LHFPL2: variants seen among roughly 807,000 people sequenced by gnomAD.
LHFPL2 encodes the protein LHFPL tetraspan subfamily member 2.
A neutral mutation model predicts 17.5 loss-of-function variants in LHFPL2; 7 were observed. The ratio of observed to expected loss-of-function variants is 0.40; its 90% confidence interval spans 0.23 to 0.75. The LOEUF (loss-of-function observed/expected upper bound fraction) is 0.75. Ranked by LOEUF, LHFPL2 falls within the 30% of genes least tolerant of loss-of-function variation. The pLI is 0.37. For missense variants in LHFPL2, 241 were observed against 294.8 expected (o/e 0.82, Z 1.34); for synonymous variants, 134 against 116.2 (o/e 1.15, Z -0.99).
intron 2 of LHFPL2, among the ~76,000 whole-genome samples, chr5:78,630,231 C>A (rs1036598162): frequency 6.6e-6 from 1 of 152,150 alleles, no homozygotes. Flanking sequence ...CCTAGAAGCT[C>A]GGTAAACTGC....
In LHFPL2 at chr5:78,585,248, C is replaced by T. The variant is rs189981220; in HGVS notation, c.-244-20377G>A. Among the ~76,000 whole-genome samples, 405 of 119,468 alleles carry T rather than the reference C, an allele frequency of 3.4e-3. 89 individuals carry two copies. Among genetic ancestry groups the T allele is most frequent in the African/African-American group, 0.011 (376 of 34,498 alleles). The allele number at this position is 119,468 out of a possible 152,430, so 78.4% of individuals were successfully genotyped here. A position where few individuals can be genotyped will look rare whatever the true frequency, so the allele number is the denominator to read the frequency against. On this transcript the variant is annotated intron_variant, in intron 2 of 4. Coordinates refer to ENST00000380345, the MANE Select transcript of LHFPL2 (RefSeq NM_005779.3). ...GGTCTCGATATCCTGACCTCGTGAT[C>T]CGCCCGCCTCGGCCTCCCAAAGTGC...
rs1466582930 is a variant in LHFPL2 at position 78,486,683 on chromosome 5, A to G, written c.*2214T>C. 1 of 152,160 alleles carries G rather than the reference A, an allele frequency of 6.6e-6. No homozygotes were observed. The highest frequency in any genetic ancestry group is 1.5e-5 in the Non-Finnish European group (1 of 68,026). 9.4% of individuals were successfully genotyped at this position (152,160 alleles called of 1,614,324 possible). A position where few individuals can be genotyped will look rare whatever the true frequency, so the allele number is the denominator to read the frequency against. ...TTGCATTCAGATTAATAACATAAAC[A>G]CTATCGAGTGAGTTTATTATGGCCA... On this transcript the variant is annotated 3_prime_UTR_variant, in exon 5 of 5. Transcript: ENST00000380345.
Position 78,527,363 on chromosome 5 carries a change from G to GTTTT in LHFPL2, c.-185-16969_-185-16966dup, listed in dbSNP as rs35135294. On this transcript the variant is annotated intron_variant, in intron 3 of 4. Coordinates refer to ENST00000380345, the MANE Select transcript of LHFPL2 (RefSeq NM_005779.3). ...GGAAAGCTCTTAATGCTGATGAGGA[G>GTTTT]TTTTTTTTTTTTTTTTTTTTTTTCC... Among the ~76,000 whole-genome samples the GTTTT allele has an allele frequency of 6.2e-4, 67 of 108,080 alleles. 2 individuals are homozygous for GTTTT. Among genetic ancestry groups the GTTTT allele is most frequent in the South Asian group, 1.3e-3 (4 of 2,990 alleles). 70.9% of individuals were successfully genotyped at this position (108,080 alleles called of 152,430 possible).
At chr5:78,570,093 GACA>G (rs985169247) in intron 2 of LHFPL2, among the ~76,000 whole-genome samples, 10 of 152,042 alleles carry the variant, frequency 6.6e-5, no homozygotes, top group African/African-American at 2.4e-4. Context: ...AAATCTATGG[GACA>G]ACAAGGTCCT....
chr5:78,535,491 C>T (rs918500579), intron 3 of LHFPL2, among the ~76,000 whole-genome samples: 5 of 152,140 alleles, frequency 3.3e-5, no homozygotes, highest in Admixed American at 1.3e-4. Context: ...CGACCTAGGA[C>T]CCCCTCTCCC....
chr5:78,552,355 G>A (rs1248276103), intron 3 of LHFPL2, among the ~76,000 whole-genome samples: 4 of 152,086 alleles, frequency 2.6e-5, no homozygotes, highest in Admixed American at 2.0e-4. Context: ...GGATGGCCTC[G>A]ATCTCCTGAC....
At chr5:78,504,478 G>T (rs1353716243) in intron 4 of LHFPL2, among the ~76,000 whole-genome samples, 2 of 152,082 alleles carry the variant, frequency 1.3e-5, no homozygotes, top group East Asian at 3.9e-4. Flanking sequence ...TCAGTCATGG[G>T]GTTGGGCTAT....
At chr5:78,500,526 A>G (rs1168501288) in intron 4 of LHFPL2, among the ~76,000 whole-genome samples, 1 of 152,128 alleles carries the variant, frequency 6.6e-6, no homozygotes, top group Non-Finnish European at 1.5e-5. Context: ...TCCACCCAGG[A>G]AGAGTTCTGG....
intron 2 of LHFPL2, among the ~76,000 whole-genome samples, chr5:78,611,268 G>C (rs1263751172): frequency 6.6e-6 from 1 of 152,228 alleles, no homozygotes; most frequent in Non-Finnish European, 1.5e-5. Flanking sequence ...CAACTGCAGG[G>C]CCAGTCCAGG....
intron 3 of LHFPL2, among the ~76,000 whole-genome samples, chr5:78,514,124 A>G (rs954809990): frequency 6.6e-6 from 1 of 152,224 alleles, no homozygotes; most frequent in African/African-American, 2.4e-5. Context: ...TCGGCCTGGC[A>G]TCCGTTGCTA....
At chr5:78,498,611 C>T (rs577843564) in intron 4 of LHFPL2, among the ~76,000 whole-genome samples, 23 of 152,262 alleles carry the variant, frequency 1.5e-4, no homozygotes, top group African/African-American at 3.4e-4. Context: ...CCAGTTCCCT[C>T]GCCACTGAAT....
chr5:78,489,000 G>C lies in LHFPL2; in HGVS notation c.584C>G (p.Thr195Ser), dbSNP rs752613491. 5.6e-6 allele frequency: 9 copies of C among 1,614,126 alleles called. No homozygotes were observed. Among genetic ancestry groups the C allele is most frequent in the Non-Finnish European group, 7.6e-6 (9 of 1,180,044 alleles). ...TGCAGAGAAGACAGCACAGATGAAAGTGAGGACTGTGCCCCCAATGGCGGT... is the reference window on the plus strand; with the variant it reads ...TGCAGAGAAGACAGCACAGATGAAACTGAGGACTGTGCCCCCAATGGCGGT... ...FYTAIGGTVL[T>S]FICAVFSAQA... The change falls in exon 5 of 5, where the codon ACT becomes AGT. Residue 195 changes from threonine to serine, a missense_variant. Physicochemically the swap from Thr to Ser is moderately conservative, Grantham distance 58 (BLOSUM62 1). Transcript: ENST00000380345.
intron 1 of LHFPL2, among the ~76,000 whole-genome samples, chr5:78,633,127 A>C (rs1745313345): frequency 6.6e-6 from 1 of 152,204 alleles, no homozygotes; most frequent in Non-Finnish European, 1.5e-5. Context: ...TTTCAGCAAC[A>C]CCAGAGAGGA....
intron 2 of LHFPL2, among the ~76,000 whole-genome samples, chr5:78,613,137 C>T (rs1744473965): frequency 6.6e-6 from 1 of 152,202 alleles, no homozygotes; most frequent in Admixed American, 6.5e-5. Context: ...GCCAAGGCCA[C>T]AGAATATACT....
At chr5:78,543,652 C>G (rs573601678) in intron 3 of LHFPL2, among the ~76,000 whole-genome samples, 40 of 152,268 alleles carry the variant, frequency 2.6e-4, no homozygotes, top group African/African-American at 8.7e-4. Flanking sequence ...GGCAGCCCCA[C>G]TAGGGCTGCA....
chr5:78,631,519 C>T (rs527760574), intron 2 of LHFPL2, among the ~76,000 whole-genome samples: 4 of 152,336 alleles, frequency 2.6e-5, no homozygotes, highest in East Asian at 1.9e-4. Flanking sequence ...CAAACAAGTA[C>T]GTAAAGCTCA....
At chr5:78,561,868 T>C (rs1234146484) in intron 3 of LHFPL2, among the ~76,000 whole-genome samples, 1 of 152,196 alleles carries the variant, frequency 6.6e-6, no homozygotes, top group African/African-American at 2.4e-5. Flanking sequence ...CCAGAGAGTC[T>C]GGATTATTAA....
At position 78,644,100 on chromosome 5, in the gene LHFPL2, TC is replaced by T. The variant is rs372946475; in HGVS notation, c.-350+4398del. The stretch of plus-strand genomic sequence containing the variant: ...AATAAAATACCACCAGCACAGGGTA[TC>T]TAAAGATAACATTTGGTAGTGTGTT... On this transcript the variant is annotated intron_variant, in intron 1 of 4. Transcript: ENST00000380345. 2.6e-5 allele frequency among the ~76,000 whole-genome samples: 4 copies of T among 152,276 alleles called. 1 individual carries two copies. The highest frequency in any genetic ancestry group is 9.6e-5 in the African/African-American group (4 of 41,562).
intron 2 of LHFPL2, among the ~76,000 whole-genome samples, chr5:78,615,108 T>C (rs1441711): frequency 0.45 from 68,127 of 152,044 alleles, 15,706 homozygotes; most frequent in African/African-American, 0.56. Context: ...GGAGTTGATG[T>C]CTGTACAAGC....
Sources: allele counts gnomAD v4.1 joint callset (sites outside exome capture counted in the v4.1 genomes callset), GRCh38; gene constraint gnomAD v4.1.1; transcripts MANE v1.5; gene names NCBI Gene and HGNC (gene_info 2026-07-23, HGNC 2026-07-21).